The following MIGA1 variants were observed in gnomAD, a reference collection of about 807,000 sequenced individuals.
MIGA1 encodes family with sequence similarity 73, member A.
A neutral mutation model predicts 82.0 loss-of-function variants in MIGA1; 58 were observed. The observed-to-expected ratio is 0.71, with a 90% CI of 0.57 to 0.88. The LOEUF (loss-of-function observed/expected upper bound fraction) is 0.88, where lower values mean the gene tolerates loss of function less well. Ranked by LOEUF, MIGA1 falls within the 40% of genes least tolerant of loss-of-function variation. The probability of loss-of-function intolerance (pLI) is 0.00; values close to 1 mark genes in which losing one functional copy is unlikely to be tolerated. For synonymous variants in MIGA1, 249 were observed against 253.6 expected, an observed-to-expected ratio of 0.98 and a Z score of 0.17; for missense variants, 751 against 749.1, an observed-to-expected ratio of 1.00 and a Z score of -0.03.
chr1:77,794,532 A>G (rs1052030812), intron 2 of MIGA1, among the ~76,000 whole-genome samples: 1 of 152,228 alleles, frequency 6.6e-6, no homozygotes, highest in African/African-American at 2.4e-5. Context: ...ATGTCACAAT[A>G]TCAGGGGATA....
At chr1:77,858,545 G>A (rs1685347379) in intron 8 of MIGA1, among the ~76,000 whole-genome samples, 1 of 152,046 alleles carries the variant, frequency 6.6e-6, no homozygotes, top group Admixed American at 6.6e-5. Context: ...TTTGATGTTA[G>A]CAAAATCCTA....
At chr1:77,868,677 T>C (rs1395235867) in intron 14 of MIGA1, 1 of 152,256 alleles carries the variant, frequency 6.6e-6, no homozygotes, top group African/African-American at 2.4e-5. Context: ...TTATCTAGTC[T>C]GCTTCAGCCC....
intron 2 of MIGA1, among the ~76,000 whole-genome samples, chr1:77,785,940 C>T (rs1309556254): frequency 2.0e-5 from 3 of 152,154 alleles, no homozygotes; most frequent in South Asian, 2.1e-4. Context: ...GTGGGGCCTC[C>T]GACTCCATGT....
At chr1:77,841,359 C>G (rs1684620515) in intron 7 of MIGA1, among the ~76,000 whole-genome samples, 1 of 151,272 alleles carries the variant, frequency 6.6e-6, no homozygotes, top group Non-Finnish European at 1.5e-5. Flanking sequence ...AAATATGTTA[C>G]ATGTATGGTT....
intron 7 of MIGA1, among the ~76,000 whole-genome samples, chr1:77,831,467 A>G (rs989926970): frequency 1.3e-5 from 2 of 151,440 alleles, no homozygotes; most frequent in Non-Finnish European, 2.9e-5. Context: ...ATATATTTAT[A>G]TATTTTATAA....
intron 2 of MIGA1, among the ~76,000 whole-genome samples, chr1:77,783,988 C>T (rs1012522253): frequency 1.2e-4 from 19 of 152,298 alleles, no homozygotes; most frequent in Middle Eastern, 3.4e-3. Context: ...CATATGTCAG[C>T]ATTTCCTTTC....
intron 7 of MIGA1, among the ~76,000 whole-genome samples, chr1:77,817,641 A>G (rs983534201): frequency 2.0e-5 from 3 of 152,198 alleles, no homozygotes; most frequent in African/African-American, 4.8e-5. Context: ...AGCTGAATTT[A>G]TGGCTGAGAC....
rs964735591 is a variant in MIGA1 at position 77,877,930 on chromosome 1, A to G, written c.*2866A>G. 2 of 152,510 alleles carry G rather than the reference A, an allele frequency of 1.3e-5. No homozygotes were observed. Among genetic ancestry groups the G allele is most frequent in the African/African-American group, 4.8e-5 (2 of 41,430 alleles). The allele number at this position is 152,510 out of a possible 1,614,324, so 9.4% of individuals were successfully genotyped here. ...GTTTCTGGTCAGTTCAGTAGCTGCT[A>G]CTTTAGCAAGATGTGGCCTTTCACA... On this transcript the variant is annotated 3_prime_UTR_variant, in exon 16 of 16. Transcript: ENST00000370791.
rs990233361 is a variant in MIGA1 at position 77,779,962 on chromosome 1, G to A, written c.81+226G>A. The stretch of plus-strand genomic sequence containing the variant: ...TCATCTCAGAAGCTAAGCAGGGTCG[G>A]GCCTGGTTAGTACTTGCATAGGAAA... On this transcript the variant is annotated intron_variant, in intron 1 of 15. Transcript: ENST00000370791. 3.1e-5 allele frequency: 42 copies of A among 1,347,386 alleles called. No homozygotes were observed. In the Middle Eastern group the frequency reaches 1.1e-3, roughly 36 times the overall value. The allele number at this position is 1,347,386 out of a possible 1,614,324, so 83.5% of individuals were successfully genotyped here.
intron 8 of MIGA1, among the ~76,000 whole-genome samples, chr1:77,850,177 C>T (rs1473070719): frequency 1.3e-5 from 2 of 152,156 alleles, no homozygotes; most frequent in African/African-American, 4.8e-5. Flanking sequence ...TTCTATAGGA[C>T]TATTTGAGTA....
chr1:77,791,062 G>A (rs1305668254), intron 2 of MIGA1, among the ~76,000 whole-genome samples: 2 of 151,990 alleles, frequency 1.3e-5, no homozygotes, highest in Non-Finnish European at 2.9e-5. Context: ...AGGCAATATA[G>A]TGAGACCTTG....
intron 5 of MIGA1, among the ~76,000 whole-genome samples, chr1:77,809,723 A>C (rs1401761391): frequency 2.0e-5 from 3 of 151,640 alleles, no homozygotes; most frequent in African/African-American, 7.3e-5. Flanking sequence ...GAGAATAGAT[A>C]GTGATATAAT....
chr1:77,839,473 C>A (rs930341927), intron 7 of MIGA1, among the ~76,000 whole-genome samples: 1 of 151,116 alleles, frequency 6.6e-6, no homozygotes, highest in South Asian at 2.1e-4. Context: ...CGGGCTCAAG[C>A]GATTCTCCCG....
At chr1:77,835,970 A>G (rs1264294810) in intron 7 of MIGA1, among the ~76,000 whole-genome samples, 3 of 152,110 alleles carry the variant, frequency 2.0e-5, no homozygotes, top group Admixed American at 2.0e-4. Context: ...AAAAAGAAAA[A>G]AAGAAAGAAA....
chr1:77,785,288 C>T (rs2101685413), intron 2 of MIGA1, among the ~76,000 whole-genome samples: 1 of 151,838 alleles, frequency 6.6e-6, no homozygotes, highest in East Asian at 1.9e-4. Flanking sequence ...AAAAATTGGC[C>T]AAAACAAAGG....
chr1:77,782,652 T>G (rs1287400435), intron 1 of MIGA1, among the ~76,000 whole-genome samples: 1 of 152,184 alleles, frequency 6.6e-6, no homozygotes, highest in East Asian at 1.9e-4. Flanking sequence ...CTTTTTTTGT[T>G]TAAGAGAAAT....
chr1:77,809,381 A>T (rs1453625997), intron 5 of MIGA1, among the ~76,000 whole-genome samples: 1 of 152,192 alleles, frequency 6.6e-6, no homozygotes, highest in East Asian at 1.9e-4. Context: ...AGTGAGGTAG[A>T]CATAGTACTT....
chr1:77,804,918 T>G (rs1231140511), intron 4 of MIGA1, among the ~76,000 whole-genome samples: 1 of 151,078 alleles, frequency 6.6e-6, no homozygotes, highest in Non-Finnish European at 1.5e-5. Context: ...TGAGCCACCA[T>G]GCCTGGCCTG....
intron 5 of MIGA1, chr1:77,810,726 T>C (rs559252398): frequency 1.1e-4 from 113 of 1,038,568 alleles, no homozygotes; most frequent in East Asian, 8.8e-4. Flanking sequence ...CAGCTTTGCA[T>C]TGGACTCCGT....
Sources: gnomAD v4.1 joint callset for allele counts (sites outside exome capture counted in the v4.1 genomes callset) on GRCh38, gnomAD v4.1.1 for gene constraint, MANE v1.5 for transcripts, NCBI Gene and HGNC (gene_info 2026-07-23, HGNC 2026-07-21) for gene names.